RYR3: variants seen among roughly 807,000 people sequenced by gnomAD.
RYR3 encodes the protein ryanodine receptor 3.
Under a neutral mutation model 584.3 loss-of-function variants are expected in RYR3, and 207 were observed. The observed-to-expected ratio is 0.35, with a 90% CI of 0.32 to 0.40. RYR3 has a LOEUF of 0.40. Among genes scored for constraint, RYR3 ranks in the 10% least tolerant of loss-of-function variants. The pLI, the probability that RYR3 is intolerant of heterozygous loss-of-function variation, is 1.00. For missense variants in RYR3, 5,616 were observed against 6,089.2 expected, an observed-to-expected ratio of 0.92 and a Z score of 2.59; for synonymous variants, 2,416 against 2,248.5, an observed-to-expected ratio of 1.07 and a Z score of -2.11.
Position 33,359,641 on chromosome 15 carries a change from C to T in RYR3, c.51+48545C>T, listed in dbSNP as rs375806960. 5.4e-4 allele frequency among the ~76,000 whole-genome samples: 80 copies of T among 148,832 alleles called. 1 individual carries two copies. Among genetic ancestry groups the T allele is most frequent in the African/African-American group, 1.6e-3 (67 of 40,608 alleles). Reference sequence around the variant, plus strand: ...ATTTATTTATTTATTTATTTTCAGACGGAGTCGCACTCTGTCACCCAGGCT... The same window carrying T: ...ATTTATTTATTTATTTATTTTCAGATGGAGTCGCACTCTGTCACCCAGGCT... On this transcript the variant is annotated intron_variant, in intron 1 of 103. Coordinates refer to ENST00000634891, the MANE Select transcript of RYR3 (RefSeq NM_001036.6).
chr15:33,797,556 C>A (rs1225576408), intron 67 of RYR3, among the ~76,000 whole-genome samples: 1 of 152,084 alleles, frequency 6.6e-6, no homozygotes. Flanking sequence ...GAATGAACCT[C>A]ACTAGAGATA....
Position 33,664,589 on chromosome 15 carries a change from GTATA to G in RYR3, c.5619+875_5619+878del, listed in dbSNP as rs139063789. The stretch of plus-strand genomic sequence containing the variant: ...TATATAGATATATGTGTGTGTGTGT[GTATA>G]TATATATATATATATATATATACGT... On this transcript the variant is annotated intron_variant, in intron 36 of 103. Coordinates refer to ENST00000634891, the MANE Select transcript of RYR3 (RefSeq NM_001036.6). Among the ~76,000 whole-genome samples the G allele has an allele frequency of 2.2e-4, 20 of 91,380 alleles. 1 individual carries two copies. Among genetic ancestry groups the G allele is most frequent in the East Asian group, 3.1e-4 (1 of 3,218 alleles). The allele number at this position is 91,380 out of a possible 152,430, so 59.9% of individuals were successfully genotyped here.
At chr15:33,514,353 G>A (rs1024993788) in intron 3 of RYR3, among the ~76,000 whole-genome samples, 4 of 152,160 alleles carry the variant, frequency 2.6e-5, no homozygotes, top group Non-Finnish European at 5.9e-5. Context: ...AAGATGGAGG[G>A]TGGTAGGCAG....
intron 11 of RYR3, among the ~76,000 whole-genome samples, chr15:33,563,723 T>C (rs1197079388): frequency 1.3e-5 from 2 of 152,182 alleles, no homozygotes; most frequent in Non-Finnish European, 2.9e-5. Context: ...GTAGTTGAGG[T>C]ATAGCAGCCT....
intron 1 of RYR3, among the ~76,000 whole-genome samples, chr15:33,424,187 G>T (rs2044437758): frequency 6.6e-6 from 1 of 152,158 alleles, no homozygotes; most frequent in Non-Finnish European, 1.5e-5. Flanking sequence ...TCCCAGCTCT[G>T]CCACTACTAG....
intron 16 of RYR3, among the ~76,000 whole-genome samples, chr15:33,594,221 A>G (rs1595751412): frequency 6.6e-6 from 1 of 152,242 alleles, no homozygotes; most frequent in Non-Finnish European, 1.5e-5. Context: ...CTTAAAGGAA[A>G]GCACACCATT....
intron 1 of RYR3, among the ~76,000 whole-genome samples, chr15:33,455,692 G>A (rs546475926): frequency 2.0e-5 from 3 of 152,236 alleles, no homozygotes; most frequent in South Asian, 2.1e-4. Flanking sequence ...TAGAACAAAC[G>A]GGTACAGCTT....
intron 3 of RYR3, among the ~76,000 whole-genome samples, chr15:33,514,625 T>TA (rs1478768239): frequency 1.3e-5 from 2 of 151,792 alleles, no homozygotes; most frequent in African/African-American, 4.8e-5. Flanking sequence ...TTTTTTTTTT[T>TA]ACACCTTATA....
intron 85 of RYR3, among the ~76,000 whole-genome samples, 182 bp downstream of exon 85, chr15:33,827,469 G>A (rs1412240567): frequency 6.6e-6 from 1 of 152,196 alleles, no homozygotes; most frequent in African/African-American, 2.4e-5. Flanking sequence ...AGACAGAAGT[G>A]GGAGACGTGG....
intron 1 of RYR3, among the ~76,000 whole-genome samples, chr15:33,408,715 T>C (rs142094582): frequency 2.4e-4 from 37 of 152,292 alleles, no homozygotes; most frequent in African/African-American, 8.7e-4. Flanking sequence ...TGGTATCTCA[T>C]TGTGATTTTG....
chr15:33,447,124 C>T (rs770780364), intron 1 of RYR3, among the ~76,000 whole-genome samples: 5 of 152,186 alleles, frequency 3.3e-5, no homozygotes, highest in Admixed American at 6.5e-5. Context: ...AGTATAAGTG[C>T]TTAGTAAAAG....
chr15:33,323,219 C>A (rs1252001016), intron 1 of RYR3, among the ~76,000 whole-genome samples: 2 of 152,122 alleles, frequency 1.3e-5, no homozygotes, highest in African/African-American at 4.8e-5. Context: ...TCACGCCATC[C>A]TCCTGCCTCA....
intron 3 of RYR3, among the ~76,000 whole-genome samples, chr15:33,517,569 C>T (rs1290155924): frequency 2.0e-5 from 3 of 152,312 alleles, no homozygotes; most frequent in East Asian, 3.9e-4. Context: ...TACTGAGATC[C>T]TCCTTGCCTG....
rs1159154599 is a variant in RYR3, at chr15:33,827,203, T to G, written c.11250T>G (p.Phe3750Leu). 5 of 1,551,724 alleles carry G rather than the reference T, an allele frequency of 3.2e-6. No individual in the cohort carries two copies. In the Admixed American group the frequency reaches 9.8e-5, roughly 30 times the overall value. ...ACCCAGCACTGGTGCTCTCAGACTT[T>G]CAGAACTTCCTGCGGACTCAGATGG... is the stretch of plus-strand genomic sequence containing the variant. ...QLLCEGHNSD[F>L]QNFLRTQMGN... Residue 3750 changes from phenylalanine (F) to leucine (L), a missense_variant, in exon 85 of 104, where the codon TTT becomes TTG. Phe to Leu is a conservative substitution (Grantham distance 22). Transcript: ENST00000634891.
intron 2 of RYR3, among the ~76,000 whole-genome samples, chr15:33,480,742 A>G (rs770563320): frequency 7.0e-4 from 106 of 152,306 alleles, no homozygotes; most frequent in Non-Finnish European, 1.2e-3. Flanking sequence ...TTTTCAATGT[A>G]TGGAGACTTA....
At chr15:33,342,004 C>T (rs1024758967) in intron 1 of RYR3, among the ~76,000 whole-genome samples, 1 of 152,186 alleles carries the variant, frequency 6.6e-6, no homozygotes, top group African/African-American at 2.4e-5. Flanking sequence ...TAGTGATTCA[C>T]CTGTCCAGAC....
Position 33,742,400 on chromosome 15 carries a change from A to G in RYR3, c.7855A>G (p.Thr2619Ala), listed in dbSNP as rs201310633. Residue 2619 changes from threonine (T) to alanine (A), a missense_variant, in exon 52 of 104, where the codon ACC becomes GCC. This residue lies in a region of RYR3 where 1,280 missense variants were observed against 1,426.2 expected (regional missense o/e 0.90). Transcript: ENST00000634891. The part of the protein sequence containing the change: ...SLPEKLEYIV[T>A]KYAEHSHDKW... ...GCCTGAAAAATTGGAATACATCGTCACCAAGTATGCTGAGCATTCACATGA... is the reference window on the plus strand; with the variant it reads ...GCCTGAAAAATTGGAATACATCGTCGCCAAGTATGCTGAGCATTCACATGA... 7.4e-6 allele frequency: 12 copies of G among 1,613,376 alleles called. No individual in the cohort carries two copies. The Admixed American group carries it at 1.7e-4, about 22-fold the overall frequency.
chr15:33,562,768 C>T (rs553654086), intron 10 of RYR3, 69 bp from the exon 11 acceptor site: 47 of 1,157,702 alleles, frequency 4.1e-5, no homozygotes, highest in Middle Eastern at 4.0e-4. Context: ...ATAGGTGATT[C>T]GTTTTGTATA....
chr15:33,796,641 G>A lies in RYR3; in HGVS notation c.9831-4129G>A, dbSNP rs117185479. 4.0e-3 allele frequency among the ~76,000 whole-genome samples: 605 copies of A among 152,246 alleles called. 3 individuals carry two copies. The highest frequency in any genetic ancestry group is 0.017 in the Middle Eastern group (5 of 294). On this transcript the variant is annotated intron_variant, in intron 67 of 103. Coordinates refer to ENST00000634891, the MANE Select transcript of RYR3 (RefSeq NM_001036.6). Reference sequence around the variant, plus strand: ...GTACATTGTTTAGTGGCAAAGTCTGGACTTTTAGCATGACCATCACCCAAT... The same window carrying A: ...GTACATTGTTTAGTGGCAAAGTCTGAACTTTTAGCATGACCATCACCCAAT...
Sources: allele counts gnomAD v4.1 joint callset (sites outside exome capture counted in the v4.1 genomes callset), GRCh38; gene constraint gnomAD v4.1.1; regional missense constraint gnomAD v4.1.1; transcripts MANE v1.5; gene names NCBI Gene and HGNC (gene_info 2026-07-23, HGNC 2026-07-21).